The following CSMD1 variants were observed in gnomAD, a reference collection of about 807,000 sequenced individuals.
The protein encoded by CSMD1 is CUB and sushi domain-containing protein 1.
A neutral mutation model predicts 417.5 loss-of-function variants in CSMD1; 213 were observed. That is an observed-to-expected ratio of 0.51 (90% confidence interval 0.46 to 0.57). The LOEUF (loss-of-function observed/expected upper bound fraction) is 0.57. Ranked by LOEUF, CSMD1 falls within the 20% of genes least tolerant of loss-of-function variation. The pLI is 0.00. For missense variants in CSMD1, 6,923 were observed against 4,529.7 expected (o/e 1.53, Z -15.17); for synonymous variants, 2,862 against 1,736.8 (o/e 1.65, Z -16.11).
intron 8 of CSMD1, among the ~76,000 whole-genome samples, chr8:3,592,026 T>C (rs1405931470): frequency 6.6e-6 from 1 of 152,032 alleles, no homozygotes; most frequent in Non-Finnish European, 1.5e-5. Flanking sequence ...GATAGATACA[T>C]AAATAGATGA....
chr8:4,949,724 T>C (rs902698104), intron 1 of CSMD1, among the ~76,000 whole-genome samples: 1 of 152,202 alleles, frequency 6.6e-6, no homozygotes, highest in Non-Finnish European at 1.5e-5. Context: ...GGGTTACAGT[T>C]TTCTAAAAAT....
intron 5 of CSMD1, among the ~76,000 whole-genome samples, chr8:3,776,305 A>G (rs1798883613): frequency 1.3e-5 from 2 of 152,118 alleles, no homozygotes; most frequent in Admixed American, 1.3e-4. Flanking sequence ...GGGGTCACAT[A>G]CAACCCAAAT....
At chr8:4,332,818 G>C (rs1475395361) in intron 3 of CSMD1, among the ~76,000 whole-genome samples, 1 of 151,872 alleles carries the variant, frequency 6.6e-6, no homozygotes, top group South Asian at 2.1e-4. Context: ...GAAGTTTTCA[G>C]GGAAACTTTA....
chr8:4,045,494 G>A (rs1295889206), intron 3 of CSMD1, among the ~76,000 whole-genome samples: 4 of 152,168 alleles, frequency 2.6e-5, no homozygotes, highest in East Asian at 1.9e-4. Flanking sequence ...TCCCCAGTTG[G>A]GGGAAGACCA....
intron 4 of CSMD1, among the ~76,000 whole-genome samples, chr8:4,030,234 G>A (rs1797271599): frequency 6.6e-6 from 1 of 152,108 alleles, no homozygotes; most frequent in Admixed American, 6.6e-5. Flanking sequence ...CTCTGTGGGG[G>A]AGCTCTGACC....
chr8:4,221,610 G>C (rs1441227727), intron 3 of CSMD1, among the ~76,000 whole-genome samples: 3 of 152,098 alleles, frequency 2.0e-5, no homozygotes, highest in Non-Finnish European at 2.9e-5. Flanking sequence ...AAAGACCTCT[G>C]AGAATAGTGA....
At position 3,250,288 on chromosome 8, in the gene CSMD1, T is replaced by A. The variant is rs1014573821; in HGVS notation, c.4154-20057A>T. 3.5e-4 allele frequency among the ~76,000 whole-genome samples: 53 copies of A among 152,188 alleles called. 1 individual carries two copies. The highest frequency in any genetic ancestry group is 6.3e-4 in the Non-Finnish European group (43 of 68,028). On this transcript the variant is annotated intron_variant, in intron 26 of 69. Transcript: ENST00000635120. ...GTGTACTCATTGTTCAATTCCCACC[T>A]ATGAGTGAGAACATGTGGTGTTTGG...
Position 3,747,100 on chromosome 8 carries a change from C to T in CSMD1, c.931+6830G>A, listed in dbSNP as rs754987143. ...AAGTAGTGGGAGCAGTATGACAAGT[C>T]GGTGGAGAAACACAGTTGTAAAGAC... is the stretch of plus-strand genomic sequence containing the variant. On this transcript the variant is annotated intron_variant, in intron 6 of 69. Coordinates refer to ENST00000635120, the MANE Select transcript of CSMD1 (RefSeq NM_033225.6). Among the ~76,000 whole-genome samples, 18 of 152,328 alleles carry T rather than the reference C, an allele frequency of 1.2e-4. No homozygotes were observed. In the South Asian group the frequency reaches 1.5e-3, roughly 12 times the overall value.
At chr8:2,963,058 C>G (rs1301733867) in intron 60 of CSMD1, among the ~76,000 whole-genome samples, 164 bp downstream of exon 60, 1 of 152,132 alleles carries the variant, frequency 6.6e-6, no homozygotes. Flanking sequence ...AAAAAGGAGA[C>G]TCTGCCCTTA....
intron 2 of CSMD1, among the ~76,000 whole-genome samples, chr8:4,610,569 A>G (rs1325346102): frequency 2.6e-5 from 4 of 152,136 alleles, no homozygotes; most frequent in South Asian, 2.1e-4. Context: ...TTTGTCATAC[A>G]TATCCTTCCT....
intron 18 of CSMD1, among the ~76,000 whole-genome samples, chr8:3,378,878 T>C (rs2116760480): frequency 6.6e-6 from 1 of 152,202 alleles, no homozygotes; most frequent in African/African-American, 2.4e-5. Context: ...TTCAACACAG[T>C]ATTGGAAGTT....
intron 7 of CSMD1, among the ~76,000 whole-genome samples, chr8:3,651,358 T>A (rs867638449): frequency 9.9e-5 from 15 of 152,234 alleles, no homozygotes; most frequent in African/African-American, 3.6e-4. Context: ...ACACTTCACA[T>A]AGGTCTTCTG....
At chr8:3,596,586 G>C (rs10503208) in intron 8 of CSMD1, among the ~76,000 whole-genome samples, 34,547 of 151,750 alleles carry the variant, frequency 0.23, 4,064 homozygotes, top group Admixed American at 0.27. Context: ...GAGACTGTTC[G>C]GCAAATATTT....
At chr8:4,753,476 A>T (rs113517700) in intron 1 of CSMD1, among the ~76,000 whole-genome samples, 4 of 150,818 alleles carry the variant, frequency 2.7e-5, no homozygotes, top group African/African-American at 4.9e-5. Context: ...TGTCTTATGA[A>T]TTTTCCCCTC....
chr8:4,308,411 G>C (rs964087245), intron 3 of CSMD1, among the ~76,000 whole-genome samples: 2 of 146,846 alleles, frequency 1.4e-5, no homozygotes, highest in East Asian at 3.9e-4. Context: ...ATGTGTGTGT[G>C]TGTTATGTGG....
chr8:4,942,444 C>A (rs946666912), intron 1 of CSMD1, among the ~76,000 whole-genome samples: 81 of 152,210 alleles, frequency 5.3e-4, no homozygotes, highest in African/African-American at 1.9e-3. Context: ...GCCCAACCAA[C>A]CATCATGACA....
intron 7 of CSMD1, among the ~76,000 whole-genome samples, chr8:3,640,319 A>G (rs1005230649): frequency 4.6e-5 from 7 of 152,252 alleles, no homozygotes; most frequent in African/African-American, 1.7e-4. Flanking sequence ...GTTCACAACC[A>G]AGATTTTATG....
intron 1 of CSMD1, among the ~76,000 whole-genome samples, chr8:4,968,772 A>G (rs950579473): frequency 1.3e-5 from 2 of 152,152 alleles, no homozygotes; most frequent in African/African-American, 4.8e-5. Context: ...TTTACCAAAA[A>G]TAATAAAAAT....
rs183228503 is a variant in CSMD1 at position 4,696,685 on chromosome 8, G to A, written c.86-59127C>T. Among the ~76,000 whole-genome samples, 1,140 of 152,226 alleles carry A rather than the reference G, an allele frequency of 7.5e-3. 4 individuals are homozygous for A. Among genetic ancestry groups the A allele is most frequent in the Non-Finnish European group, 0.012 (827 of 68,004 alleles). ...TATTGTTGTCTTTATCCACAGAGAAGGTATGACCCATGAAGGCAAGGACTT... is the reference window on the plus strand; with the variant it reads ...TATTGTTGTCTTTATCCACAGAGAAAGTATGACCCATGAAGGCAAGGACTT... On this transcript the variant is annotated intron_variant, in intron 1 of 69. Transcript: ENST00000635120.
Sources: allele counts gnomAD v4.1 joint callset (sites outside exome capture counted in the v4.1 genomes callset), GRCh38; gene constraint gnomAD v4.1.1; transcripts MANE v1.5; gene names NCBI Gene and HGNC (gene_info 2026-07-23, HGNC 2026-07-21).